Variants in SLC45A1 observed in about 807,000 individuals in gnomAD.
SLC45A1 encodes the protein proton-associated sugar transporter A.
Under a neutral mutation model 57.6 loss-of-function variants are expected in SLC45A1, and 28 were observed. The ratio of observed to expected loss-of-function variants is 0.49; its 90% CI spans 0.36 to 0.67. SLC45A1 has a LOEUF of 0.67. SLC45A1 is among the 30% of genes least tolerant of loss of function. The pLI is 0.00. For synonymous variants in SLC45A1, 459 were observed against 471.5 expected, an observed-to-expected ratio of 0.97 and a Z score of 0.34; for missense variants, 814 against 1,041.5, an observed-to-expected ratio of 0.78 and a Z score of 3.01.
Position 8,327,078 on chromosome 1 carries a change from G to A in SLC45A1, c.715+1036G>A, listed in dbSNP as rs530775443. 7.2e-5 allele frequency among the ~76,000 whole-genome samples: 11 copies of A among 152,340 alleles called. No individual in the cohort carries two copies. Among genetic ancestry groups the A allele is most frequent in the African/African-American group, 2.2e-4 (9 of 41,564 alleles). ...CCCTGCGGGGCCTCAGCTGGATCAC[G>A]CACCCTTGGAAGCACAGGCGTTGTG... On this transcript the variant is annotated intron_variant, in intron 4 of 8. Coordinates refer to ENST00000471889, the MANE Select transcript of SLC45A1 (RefSeq NM_001080397.3). This position sits in a 1 kb window ranked among gnomAD's most constrained non-coding sequence, Gnocchi z 4.3.
At chr1:8,319,863 C>T (rs1639945992) in intron 1 of SLC45A1, among the ~76,000 whole-genome samples, 1 of 152,028 alleles carries the variant, frequency 6.6e-6, no homozygotes. Flanking sequence ...ATTACAGGCA[C>T]TCGCCACCAT....
Position 8,339,510 on chromosome 1 carries a change from G to T in SLC45A1, c.1792G>T (p.Glu598Ter), listed in dbSNP as rs747538712. Residue 598 changes from glutamate to a stop codon, truncating the protein, a stop_gained, in exon 8 of 9, where the codon GAG (glutamate) becomes TAG (stop). Transcript: ENST00000471889. LOFTEE classifies it high-confidence loss of function. ...GCCCGCAGCTATCCTGGAGAAGCTG[G>T]AGGAGTTCCTCAGCGTCCGCACCCT... ...AFYSAILEKL[E>*]EFLSVRTLYF... 1 of 1,614,068 alleles carries T rather than the reference G, an allele frequency of 6.2e-7. No homozygotes were observed. Among genetic ancestry groups the T allele is most frequent in the Non-Finnish European group, 8.5e-7 (1 of 1,180,032 alleles).
chr1:8,339,564 C>T lies in SLC45A1; in HGVS notation c.1846C>T (p.Leu616=). 2 of 1,614,248 alleles carry T rather than the reference C, an allele frequency of 1.2e-6. No individual in the cohort carries two copies. The highest frequency in any genetic ancestry group is 1.7e-6 in the Non-Finnish European group (2 of 1,180,042). The change falls in exon 8 of 9, where the codon CTG becomes TTG. Residue 616 remains leucine (L), a synonymous_variant. Transcript: ENST00000471889. The part of the protein sequence containing the change: ...LYFIAYLAFG[L]GTGLATLSRN... ...CTTCATCGCCTATCTCGCCTTCGGC[C>T]TGGGGACCGGGCTTGCCACCCTCTC... is the stretch of plus-strand genomic sequence containing the variant.
chr1:8,318,130 C>T lies in SLC45A1; in HGVS notation c.-81C>T, dbSNP rs559861530. ...GGTGATGCTGCAGCAGCCGGGACCG[C>T]GGCCGGGCAGGCAGCAGCCCAGCGG... On this transcript the variant is annotated 5_prime_UTR_variant, in exon 1 of 9. Coordinates refer to ENST00000471889, the MANE Select transcript of SLC45A1 (RefSeq NM_001080397.3). 372 of 468,160 alleles carry T rather than the reference C, an allele frequency of 7.9e-4. 3 individuals carry two copies. Among genetic ancestry groups the T allele is most frequent in the African/African-American group, 6.5e-3 (322 of 49,166 alleles). 29.0% of individuals were successfully genotyped at this position (468,160 alleles called of 1,614,324 possible).
chr1:8,341,456 A>AC (rs1640813291), intron 8 of SLC45A1, among the ~76,000 whole-genome samples: 8 of 150,362 alleles, frequency 5.3e-5, no homozygotes, highest in Non-Finnish European at 1.2e-4. Context: ...AATGGCGTGA[A>AC]TCTGGGAGGC....
rs1640163456 is a variant in SLC45A1, at chr1:8,325,349, G to T, written c.449G>T (p.Arg150Met). Residue 150 changes from arginine (R) to methionine (M), a missense_variant, in exon 3 of 9, where the codon AGG becomes ATG. Arg to Met is a moderately conservative substitution (Grantham distance 91). Coordinates refer to ENST00000471889, the MANE Select transcript of SLC45A1 (RefSeq NM_001080397.3). The surrounding 1 kb of genome is among the most constrained non-coding windows in gnomAD (Gnocchi z 6.3). The part of the protein sequence containing the change: ...LGAWSDRCTS[R>M]FGRRRPFILV... ...GCTTGGAGTGACCGGTGTACCTCAA[G>T]GTTTGGAAGGAGACGCCCTTTCATT... The T allele has an allele frequency of 1.2e-6, 2 of 1,613,764 alleles. No individual in the cohort carries two copies. Among genetic ancestry groups the T allele is most frequent in the African/African-American group, 2.7e-5 (2 of 74,962 alleles).
Position 8,332,084 on chromosome 1 carries a change from G to A in SLC45A1, c.1443+1148G>A, listed in dbSNP as rs541142632. Reference sequence around the variant, plus strand: ...TGCGATTACAGGCGTGAGCCACTGCGCCCGGCCGACAACTCTTTTAAACAC... The same window carrying A: ...TGCGATTACAGGCGTGAGCCACTGCACCCGGCCGACAACTCTTTTAAACAC... On this transcript the variant is annotated intron_variant, in intron 5 of 8. Transcript: ENST00000471889. Among the ~76,000 whole-genome samples, 125 of 152,250 alleles carry A rather than the reference G, an allele frequency of 8.2e-4. No individual in the cohort carries two copies. In the Middle Eastern group the frequency reaches 0.024, roughly 29 times the overall value.
intron 5 of SLC45A1, among the ~76,000 whole-genome samples, chr1:8,332,410 C>T (rs1640443055): frequency 6.6e-6 from 1 of 152,200 alleles, no homozygotes; most frequent in African/African-American, 2.4e-5. Flanking sequence ...CAAGAACCTT[C>T]TGGAAAGCTG....
chr1:8,339,707 T>G lies in SLC45A1; in HGVS notation c.1980+9T>G, dbSNP rs768476699. The stretch of plus-strand genomic sequence containing the variant: ...ACTATCAGAGTAAGAAGGTAAGTGC[T>G]CTCCCTTGTCTTGCTTCGGGTCTGC... On this transcript the variant is annotated intron_variant, in intron 8 of 8. Coordinates refer to ENST00000471889, the MANE Select transcript of SLC45A1 (RefSeq NM_001080397.3). The G allele has an allele frequency of 6.2e-7, 1 of 1,612,282 alleles. No homozygotes were observed. The highest frequency in any genetic ancestry group is 8.5e-7 in the Non-Finnish European group (1 of 1,178,358).
At chr1:8,338,410 G>GA (rs1557568528) in intron 7 of SLC45A1, among the ~76,000 whole-genome samples, 1 of 152,222 alleles carries the variant, frequency 6.6e-6, no homozygotes, top group Non-Finnish European at 1.5e-5. Context: ...GAGCGTAGGG[G>GA]TGGGCAGGGG....
intron 1 of SLC45A1, among the ~76,000 whole-genome samples, chr1:8,323,215 G>A (rs941740930): frequency 1.3e-5 from 2 of 152,084 alleles, no homozygotes; most frequent in Non-Finnish European, 2.9e-5. Context: ...AGTTGAGGCT[G>A]GGCACGGTGG....
chr1:8,330,011 C>T lies in SLC45A1; in HGVS notation c.716-198C>T. On this transcript the variant is annotated intron_variant, in intron 4 of 8. Transcript: ENST00000471889. This position sits in a 1 kb window ranked among gnomAD's most constrained non-coding sequence, Gnocchi z 8.4. ...AGGAAGGGCCCTGCAGGTGGCTGTGCAGGACAGGAGGGGGACCTCCTCAAG... is the reference window on the plus strand; with the variant it reads ...AGGAAGGGCCCTGCAGGTGGCTGTGTAGGACAGGAGGGGGACCTCCTCAAG... 1.6e-6 allele frequency: 1 copy of T among 635,246 alleles called. No homozygotes were observed. The highest frequency in any genetic ancestry group is 2.0e-5 in the South Asian group (1 of 49,952). The allele number at this position is 635,246 out of a possible 1,614,324, so 39.4% of individuals were successfully genotyped here. A position where few individuals can be genotyped will look rare whatever the true frequency, so the allele number is the denominator to read the frequency against.
Position 8,325,820 on chromosome 1 carries a change from G to T in SLC45A1, c.493G>T (p.Ala165Ser). Residue 165 changes from alanine (A) to serine (S), a missense_variant and splice_region_variant, in exon 4 of 9, where the codon GCA becomes TCA. Transcript: ENST00000471889. The surrounding 1 kb of genome is among the most constrained non-coding windows in gnomAD (Gnocchi z 6.3). ...RPFILVLAIG[A>S]LLGLSLLLNG... Reference sequence around the variant, plus strand: ...TGACTTTGTTTCTCTGTGTCCAGGGGCACTGCTGGGCCTCTCGCTCTTGCT... The same window carrying T: ...TGACTTTGTTTCTCTGTGTCCAGGGTCACTGCTGGGCCTCTCGCTCTTGCT... 1 of 1,612,530 alleles carries T rather than the reference G, an allele frequency of 6.2e-7. No homozygotes were observed.
rs57414432 is a variant in SLC45A1 at position 8,320,692 on chromosome 1, T to TAC, written c.-25+2547_-25+2548dup. ...CTCTCTCTCTGTTTCTCTCTCTCTC[T>TAC]ACACACACACACACACACACACACA... On this transcript the variant is annotated intron_variant, in intron 1 of 8. Transcript: ENST00000471889. Among the ~76,000 whole-genome samples, 534 of 101,304 alleles carry TAC rather than the reference T, an allele frequency of 5.3e-3. 4 individuals carry two copies. The highest frequency in any genetic ancestry group is 0.014 in the African/African-American group (455 of 31,532). 66.5% of individuals were successfully genotyped at this position (101,304 alleles called of 152,430 possible). A position where few individuals can be genotyped will look rare whatever the true frequency, so the allele number is the denominator to read the frequency against.
intron 1 of SLC45A1, among the ~76,000 whole-genome samples, chr1:8,323,245 C>T (rs532808392): frequency 2.6e-5 from 4 of 152,222 alleles, no homozygotes; most frequent in African/African-American, 9.6e-5. Context: ...GTAATCCCAG[C>T]ACTTTGGGAG....
chr1:8,332,252 A>G (rs1640435134), intron 5 of SLC45A1, among the ~76,000 whole-genome samples: 1 of 152,202 alleles, frequency 6.6e-6, no homozygotes, highest in African/African-American at 2.4e-5. Flanking sequence ...ATCCTGTGCC[A>G]ATACATCCAA....
intron 4 of SLC45A1, among the ~76,000 whole-genome samples, chr1:8,329,409 GAT>G (rs1227137099): frequency 6.6e-6 from 1 of 152,242 alleles, no homozygotes; most frequent in Non-Finnish European, 1.5e-5. Flanking sequence ...CCGGATCCCT[GAT>G]GGGGTGGGTG....
intron 8 of SLC45A1, among the ~76,000 whole-genome samples, chr1:8,340,697 G>A (rs1029447699): frequency 2.0e-5 from 3 of 152,154 alleles, no homozygotes; most frequent in African/African-American, 4.8e-5. Flanking sequence ...TTAGGTGACA[G>A]TGTAATTTAT....
In SLC45A1 at chr1:8,330,280, G is replaced by C; in HGVS notation, c.787G>C (p.Gly263Arg). ...TAAAACGGGCTTCGGGAGGGCCCTG[G>C]GGGGACAGCTCCGAGTCATTTACCT... ...WDKTGFGRAL[G>R]GQLRVIYLFT... Residue 263 changes from glycine (G) to arginine (R), a missense_variant, in exon 5 of 9, where the codon GGG becomes CGG. By Grantham distance (125) the Gly-to-Arg change is moderately radical (BLOSUM62 -2). Transcript: ENST00000471889. This position sits in a 1 kb window ranked among gnomAD's most constrained non-coding sequence, Gnocchi z 8.4. The C allele has an allele frequency of 6.2e-7, 1 of 1,613,882 alleles. No individual in the cohort carries two copies. The highest frequency in any genetic ancestry group is 1.1e-5 in the South Asian group (1 of 91,062).
Sources: gnomAD v4.1 joint callset for allele counts (sites outside exome capture counted in the v4.1 genomes callset) on GRCh38, gnomAD v4.1.1 for gene constraint, Gnocchi (gnomAD v3.1) non-coding constraint, MANE v1.5 for transcripts, NCBI Gene and HGNC (gene_info 2026-07-23, HGNC 2026-07-21) for gene names.